Variants in NALCN observed in about 807,000 individuals in gnomAD.
NALCN encodes the protein sodium leak channel NALCN.
A neutral mutation model predicts 225.3 loss-of-function variants in NALCN; 111 were observed. The observed-to-expected ratio is 0.49, with a 90% CI of 0.42 to 0.58. NALCN has a LOEUF of 0.58. Ranked by LOEUF, NALCN falls within the 20% of genes least tolerant of loss-of-function variation. The probability of loss-of-function intolerance (pLI) is 0.00; values close to 1 mark genes in which losing one functional copy is unlikely to be tolerated. For missense variants in NALCN, 1,378 were observed against 2,202.4 expected, an observed-to-expected ratio of 0.63 and a Z score of 7.49; for synonymous variants, 764 against 769.0, an observed-to-expected ratio of 0.99 and a Z score of 0.11.
chr13:101,140,772 C>A (rs1004955419), intron 17 of NALCN, among the ~76,000 whole-genome samples: 1 of 151,822 alleles, frequency 6.6e-6, no homozygotes, highest in Non-Finnish European at 1.5e-5. Flanking sequence ...TTAAAAAAAT[C>A]AAAAAAGCCA....
intron 7 of NALCN, among the ~76,000 whole-genome samples, chr13:101,299,066 C>T (rs1283602746): frequency 6.6e-6 from 1 of 152,102 alleles, no homozygotes; most frequent in Non-Finnish European, 1.5e-5. Context: ...AGGCTAAAAG[C>T]CTAGATCCTA....
At chr13:101,374,093 C>T (rs1052795673) in intron 6 of NALCN, among the ~76,000 whole-genome samples, 16 of 151,796 alleles carry the variant, frequency 1.1e-4, no homozygotes, top group Non-Finnish European at 2.2e-4. Context: ...GGGTTAGTAG[C>T]AACAGTATTT....
intron 13 of NALCN, among the ~76,000 whole-genome samples, chr13:101,213,947 A>G (rs1448366370): frequency 6.6e-6 from 1 of 152,186 alleles, no homozygotes; most frequent in Non-Finnish European, 1.5e-5. Context: ...TACTGGGTAT[A>G]TACCCAAAGG....
Position 101,292,091 on chromosome 13 carries a change from C to T in NALCN, c.946G>A (p.Val316Met), listed in dbSNP as rs1463184766. The part of the protein sequence containing the change: ...IFFLAWLVKN[V>M]FIAVIIETFA... ...GTTTCAATGATAACAGCAATAAACACGTTCTGAAAAAAATCACAAACCACA... is the reference window on the plus strand; with the variant it reads ...GTTTCAATGATAACAGCAATAAACATGTTCTGAAAAAAATCACAAACCACA... The change falls in exon 9 of 44, where the codon GTG becomes ATG. Residue 316 changes from valine (V) to methionine (M), a missense_variant. By Grantham distance (21) the Val-to-Met change is conservative (BLOSUM62 1). Transcript: ENST00000251127. This position sits in a 1 kb window ranked among gnomAD's most constrained non-coding sequence, Gnocchi z 4.3. 1 of 1,613,902 alleles carries T rather than the reference C, an allele frequency of 6.2e-7. No individual in the cohort carries two copies. The highest frequency in any genetic ancestry group is 1.7e-5 in the Admixed American group (1 of 59,948).
intron 6 of NALCN, among the ~76,000 whole-genome samples, chr13:101,372,686 T>C (rs2046574140): frequency 6.6e-6 from 1 of 152,126 alleles, no homozygotes; most frequent in African/African-American, 2.4e-5. Context: ...GCTAAAACAG[T>C]GCTTAGAGGC....
intron 7 of NALCN, among the ~76,000 whole-genome samples, chr13:101,321,382 C>T (rs2044742829): frequency 6.6e-6 from 1 of 152,014 alleles, no homozygotes; most frequent in African/African-American, 2.4e-5. Context: ...TCATCAGTTA[C>T]TATAAAGGAA....
chr13:101,136,308 T>TTATG (rs2036785926), intron 17 of NALCN, among the ~76,000 whole-genome samples: 1 of 6,668 alleles, frequency 1.5e-4, no homozygotes, highest in African/African-American at 1.8e-3. Context: ...ATTTATTTAT[T>TTATG]TATTTATATA....
intron 14 of NALCN, among the ~76,000 whole-genome samples, chr13:101,188,557 CAT>C (rs1368101691): frequency 6.6e-6 from 1 of 151,422 alleles, no homozygotes; most frequent in African/African-American, 2.4e-5. Flanking sequence ...TATATGTATA[CAT>C]ATATATACAC....
At chr13:101,192,792 T>C (rs1419484592) in intron 13 of NALCN, among the ~76,000 whole-genome samples, 1 of 152,206 alleles carries the variant, frequency 6.6e-6, no homozygotes, top group Non-Finnish European at 1.5e-5. Context: ...ATTTTTCTAA[T>C]TAAATATATG....
At chr13:101,234,525 C>A (rs1023533725) in intron 12 of NALCN, among the ~76,000 whole-genome samples, 20 of 152,180 alleles carry the variant, frequency 1.3e-4, no homozygotes, top group African/African-American at 4.8e-4. Context: ...CCAATGTAGG[C>A]CTTTATACAA....
chr13:101,386,607 AT>A (rs1431892078), intron 3 of NALCN, among the ~76,000 whole-genome samples: 1 of 151,930 alleles, frequency 6.6e-6, no homozygotes. Flanking sequence ...ATTTATACAT[AT>A]TTTAATATAT....
intron 7 of NALCN, among the ~76,000 whole-genome samples, chr13:101,304,133 C>T (rs957721192): frequency 6.6e-6 from 1 of 152,012 alleles, no homozygotes; most frequent in African/African-American, 2.4e-5. Context: ...CTTCAATGAC[C>T]TCCATTTAAA....
At chr13:101,196,732 T>C (rs1441068312) in intron 13 of NALCN, among the ~76,000 whole-genome samples, 1 of 152,168 alleles carries the variant, frequency 6.6e-6, no homozygotes, top group East Asian at 1.9e-4. Context: ...GAAATCTTTA[T>C]TGCAGCCAGA....
intron 11 of NALCN, among the ~76,000 whole-genome samples, chr13:101,239,244 G>A (rs952384393): frequency 1.3e-5 from 2 of 151,770 alleles, no homozygotes; most frequent in African/African-American, 4.8e-5. Flanking sequence ...ATTTATGAAA[G>A]CACTATTTCT....
At chr13:101,358,784 C>T (rs116479007) in intron 6 of NALCN, among the ~76,000 whole-genome samples, 4,914 of 152,118 alleles carry the variant, frequency 0.032, 269 homozygotes, top group African/African-American at 0.11. Flanking sequence ...AGCAAAGACA[C>T]GGAACCACCC....
rs369971028 is a variant in NALCN at position 101,363,229 on chromosome 13, A to G, written c.644+13471T>C. Among the ~76,000 whole-genome samples the G allele has an allele frequency of 4.6e-5, 7 of 152,250 alleles. No homozygotes were observed. In the East Asian group the frequency reaches 1.3e-3, roughly 29 times the overall value. On this transcript the variant is annotated intron_variant, in intron 6 of 43. Coordinates refer to ENST00000251127, the MANE Select transcript of NALCN (RefSeq NM_052867.4). ...CCAATGACATTCTTCACAGGAATAT[A>G]AAAAACTATCCTAAAATTTATATTA...
intron 7 of NALCN, among the ~76,000 whole-genome samples, chr13:101,325,161 C>G (rs1245698667): frequency 1.3e-5 from 2 of 152,148 alleles, no homozygotes; most frequent in African/African-American, 4.8e-5. Flanking sequence ...CCACATGAAA[C>G]AGCACATACT....
intron 3 of NALCN, among the ~76,000 whole-genome samples, chr13:101,391,225 C>A (rs1176454854): frequency 1.3e-5 from 2 of 151,642 alleles, no homozygotes; most frequent in African/African-American, 4.8e-5. Flanking sequence ...AAATGCTAAT[C>A]AAAATAACAA....
intron 13 of NALCN, among the ~76,000 whole-genome samples, chr13:101,205,222 A>G (rs2040266001): frequency 6.6e-6 from 1 of 152,114 alleles, no homozygotes; most frequent in Non-Finnish European, 1.5e-5. Flanking sequence ...GCACACCTAT[A>G]TTGCACTCCA....
Sources: gnomAD v4.1 joint callset for allele counts (sites outside exome capture counted in the v4.1 genomes callset) on GRCh38, gnomAD v4.1.1 for gene constraint, Gnocchi (gnomAD v3.1) non-coding constraint, MANE v1.5 for transcripts, NCBI Gene and HGNC (gene_info 2026-07-23, HGNC 2026-07-21) for gene names.